The following DNAJC10 variants were observed in gnomAD, a reference collection of about 807,000 sequenced individuals.
DNAJC10 encodes the protein DnaJ heat shock protein family (Hsp40) member C10, also known as endoplasmic reticulum disulfide reductase DNAJC10.
A neutral mutation model predicts 115.0 loss-of-function variants in DNAJC10; 101 were observed. That is an observed-to-expected ratio of 0.88 (90% CI 0.75 to 1.04). The LOEUF is 1.04. Ranked by LOEUF, DNAJC10 falls within the 50% of genes least tolerant of loss-of-function variation. The pLI is 0.00. For missense variants in DNAJC10, 981 were observed against 928.8 expected, an observed-to-expected ratio of 1.06 and a Z score of -0.73; for synonymous variants, 307 against 301.5, an observed-to-expected ratio of 1.02 and a Z score of -0.19.
At chr2:182,747,912 C>G (rs1211180989) in intron 14 of DNAJC10, among the ~76,000 whole-genome samples, 1 of 151,762 alleles carries the variant, frequency 6.6e-6, no homozygotes, top group African/African-American at 2.4e-5. Flanking sequence ...CCATCAATAC[C>G]TAATTTATGG....
rs1694757695 is a variant in DNAJC10, at chr2:182,778,134, C to CCCA, written c.*1002_*1003insCCA. 1 of 152,028 alleles carries CCCA rather than the reference C, an allele frequency of 6.6e-6. No homozygotes were observed. Among genetic ancestry groups the CCCA allele is most frequent in the Non-Finnish European group, 1.5e-5 (1 of 68,008 alleles). 9.4% of individuals were successfully genotyped at this position (152,028 alleles called of 1,614,324 possible). The stretch of plus-strand genomic sequence containing the variant: ...TGTTTTGACCTGTATCCTTTATTTA[C>CCCA]ATTGGGTTTTTCTTTCGTAGTTTTG... On this transcript the variant is annotated 3_prime_UTR_variant, in exon 24 of 24. Transcript: ENST00000264065.
At chr2:182,750,234 A>G (rs922498530) in intron 14 of DNAJC10, among the ~76,000 whole-genome samples, 2 of 152,130 alleles carry the variant, frequency 1.3e-5, no homozygotes, top group African/African-American at 4.8e-5. Flanking sequence ...ATGTAAGTGG[A>G]CTGTGGTAGC....
chr2:182,755,196 C>A, intron 17 of DNAJC10, 92 bp downstream of exon 17: 1 of 756,458 alleles, frequency 1.3e-6, no homozygotes, highest in Non-Finnish European at 2.3e-6. Flanking sequence ...AGGATTTACT[C>A]TTTTCATGCC....
At chr2:182,742,596 G>T (rs996900780) in intron 13 of DNAJC10, among the ~76,000 whole-genome samples, 1 of 152,162 alleles carries the variant, frequency 6.6e-6, no homozygotes, top group African/African-American at 2.4e-5. Flanking sequence ...CTGACAGCAC[G>T]TGAGTGGCCA....
Position 182,791,506 on chromosome 2 carries a change from G to A in DNAJC10, c.*14374G>A, listed in dbSNP as rs1244762673. The A allele has an allele frequency of 6.6e-6, 1 of 152,196 alleles. No individual in the cohort carries two copies. Among genetic ancestry groups the A allele is most frequent in the African/African-American group, 2.4e-5 (1 of 41,444 alleles). The allele number at this position is 152,196 out of a possible 1,614,324, so 9.4% of individuals were successfully genotyped here. On this transcript the variant is annotated 3_prime_UTR_variant, in exon 24 of 24. Coordinates refer to ENST00000264065, the MANE Select transcript of DNAJC10 (RefSeq NM_018981.4). ...TGTTTCTGAAACTATGCTGGGGAAAGTAGCTCTGTCCATAATGATTATATA... is the reference window on the plus strand; with the variant it reads ...TGTTTCTGAAACTATGCTGGGGAAAATAGCTCTGTCCATAATGATTATATA...
chr2:182,726,913 G>A (rs1693300562), intron 5 of DNAJC10, among the ~76,000 whole-genome samples: 1 of 151,998 alleles, frequency 6.6e-6, no homozygotes, highest in Non-Finnish European at 1.5e-5. Flanking sequence ...ATAGAGACAG[G>A]GTCTTGCTGT....
intron 15 of DNAJC10, 101 bp downstream of exon 15, chr2:182,751,886 T>C (rs1694030346): frequency 6.9e-7 from 1 of 1,454,222 alleles, no homozygotes; most frequent in Non-Finnish European, 9.4e-7. Flanking sequence ...GTACAAAAAC[T>C]GTGTCATTCC....
chr2:182,756,611 C>A, intron 18 of DNAJC10, 142 bp downstream of exon 18: 1 of 822,618 alleles, frequency 1.2e-6, no homozygotes, highest in Non-Finnish European at 1.9e-6. Context: ...TTGATTCCAG[C>A]TCTGTTTCTG....
At chr2:182,768,146 G>T (rs1323813043) in intron 22 of DNAJC10, among the ~76,000 whole-genome samples, 1 of 152,062 alleles carries the variant, frequency 6.6e-6, no homozygotes, top group Non-Finnish European at 1.5e-5. Context: ...AGATTTTTCA[G>T]TGAAGGTTTT....
At chr2:182,743,885 CCTT>C (rs1211799255) in intron 14 of DNAJC10, among the ~76,000 whole-genome samples, 173 bp downstream of exon 14, 1 of 151,972 alleles carries the variant, frequency 6.6e-6, no homozygotes, top group Admixed American at 6.6e-5. Flanking sequence ...TTCTCTTTAC[CCTT>C]CTTTTTAACA....
rs944492883 is a variant in DNAJC10 at position 182,731,256 on chromosome 2, G to A, written c.805+149G>A. On this transcript the variant is annotated intron_variant, in intron 9 of 23. Coordinates refer to ENST00000264065, the MANE Select transcript of DNAJC10 (RefSeq NM_018981.4). ...CAATTTTTTTACTTAATGAATATTCGCCTTTTTCATTATTTTACACATGAG... is the reference window on the plus strand; with the variant it reads ...CAATTTTTTTACTTAATGAATATTCACCTTTTTCATTATTTTACACATGAG... The A allele has an allele frequency of 3.8e-4, 216 of 562,052 alleles. 1 individual carries two copies. The highest frequency in any genetic ancestry group is 5.2e-4 in the East Asian group (17 of 32,932). 34.8% of individuals were successfully genotyped at this position (562,052 alleles called of 1,614,324 possible).
chr2:182,757,482 AT>A lies in DNAJC10; in HGVS notation c.1810-209del, dbSNP rs548846633. On this transcript the variant is annotated intron_variant, in intron 18 of 23. Coordinates refer to ENST00000264065, the MANE Select transcript of DNAJC10 (RefSeq NM_018981.4). ...AATGAAATAAATTGTTTAATCTGCA[AT>A]AATTTTAGTAAGTACTTAATTACAA... Among the ~76,000 whole-genome samples the A allele has an allele frequency of 7.4e-4, 113 of 152,328 alleles. 2 individuals carry two copies. Among genetic ancestry groups the A allele is most frequent in the African/African-American group, 2.6e-3 (107 of 41,574 alleles).
chr2:182,765,885 G>A (rs142286001), intron 22 of DNAJC10, among the ~76,000 whole-genome samples: 4 of 152,292 alleles, frequency 2.6e-5, no homozygotes, highest in Non-Finnish European at 5.9e-5. Flanking sequence ...TTTATAGTTT[G>A]TGGAAGGTTT....
At chr2:182,772,642 G>GTGTTTTGTTT (rs372492290) in intron 22 of DNAJC10, among the ~76,000 whole-genome samples, 6 of 141,236 alleles carry the variant, frequency 4.2e-5, no homozygotes, top group African/African-American at 1.5e-4. Context: ...GCAACCCATG[G>GTGTTTTGTTT]TGTTTTGTTT....
chr2:182,756,492 T>A (rs1360740761), intron 18 of DNAJC10, 23 bp downstream of exon 18: 2 of 1,590,450 alleles, frequency 1.3e-6, no homozygotes, highest in Non-Finnish European at 1.7e-6. Flanking sequence ...TAGTTTATTT[T>A]AAATCTTAAC....
At chr2:182,733,998 C>T (rs1693521852) in intron 10 of DNAJC10, among the ~76,000 whole-genome samples, 1 of 150,342 alleles carries the variant, frequency 6.7e-6, no homozygotes, top group Non-Finnish European at 1.5e-5. Flanking sequence ...GTGTGTGTGT[C>T]TCATGTCTGT....
chr2:182,740,159 C>G, intron 11 of DNAJC10, 140 bp from the exon 12 acceptor site: 1 of 1,161,288 alleles, frequency 8.6e-7, no homozygotes, highest in Non-Finnish European at 1.1e-6. Context: ...TGAAAAAAGA[C>G]ATTTGGAATT....
chr2:182,753,315 G>A (rs1694071861), intron 16 of DNAJC10, among the ~76,000 whole-genome samples: 1 of 151,754 alleles, frequency 6.6e-6, no homozygotes, highest in Non-Finnish European at 1.5e-5. Flanking sequence ...GAACATAGAT[G>A]GAGAAAAGAT....
Position 182,794,112 on chromosome 2 carries a change from C to T in DNAJC10, c.*16980C>T, listed in dbSNP as rs1311942210. ...GGATCCAAGAAACAGTGACTCCAAC[C>T]CAAGAGAGCAGTGAACAAATCCACA... On this transcript the variant is annotated 3_prime_UTR_variant, in exon 24 of 24. Transcript: ENST00000264065. The T allele has an allele frequency of 2.0e-5, 3 of 152,194 alleles. No homozygotes were observed. The highest frequency in any genetic ancestry group is 4.8e-5 in the African/African-American group (2 of 41,398). 9.4% of individuals were successfully genotyped at this position (152,194 alleles called of 1,614,324 possible).
Sources: gnomAD v4.1 joint callset for allele counts (sites outside exome capture counted in the v4.1 genomes callset) on GRCh38, gnomAD v4.1.1 for gene constraint, MANE v1.5 for transcripts, NCBI Gene and HGNC (gene_info 2026-07-23, HGNC 2026-07-21) for gene names.